LRRC3B: variants seen among roughly 807,000 people sequenced by gnomAD.
LRRC3B encodes the protein leucine-rich repeat-containing protein 3B.
Under a neutral mutation model 12.8 loss-of-function variants are expected in LRRC3B, and 2 were observed. The ratio of observed to expected loss-of-function variants is 0.16; its 90% confidence interval spans 0.06 to 0.49. LRRC3B has a LOEUF of 0.49. Among genes scored for constraint, LRRC3B ranks in the 20% least tolerant of loss-of-function variants. The pLI, the probability that LRRC3B is intolerant of heterozygous loss-of-function variation, is 0.96. For synonymous variants in LRRC3B, 132 were observed against 122.0 expected, an observed-to-expected ratio of 1.08 and a Z score of -0.54; for missense variants, 189 against 319.4, an observed-to-expected ratio of 0.59 and a Z score of 3.11.
intron 1 of LRRC3B, among the ~76,000 whole-genome samples, chr3:26,634,795 G>A (rs1048650768): frequency 2.0e-5 from 3 of 152,182 alleles, no homozygotes; most frequent in Non-Finnish European, 4.4e-5. Flanking sequence ...TGGTTGAGGG[G>A]CTGAGCTTGG....
At chr3:26,664,811 C>T (rs1262193071) in intron 1 of LRRC3B, among the ~76,000 whole-genome samples, 1 of 152,046 alleles carries the variant, frequency 6.6e-6, no homozygotes, top group Non-Finnish European at 1.5e-5. Context: ...GATGCTTTCC[C>T]TCAAAATGTA....
intron 1 of LRRC3B, among the ~76,000 whole-genome samples, chr3:26,651,908 G>C (rs1237509830): frequency 6.6e-6 from 1 of 152,126 alleles, no homozygotes; most frequent in African/African-American, 2.4e-5. Context: ...TATCTCAATG[G>C]ATTCTCAAGA....
At chr3:26,675,175 T>TA (rs1247292030) in intron 1 of LRRC3B, among the ~76,000 whole-genome samples, 1 of 152,220 alleles carries the variant, frequency 6.6e-6, no homozygotes, top group Non-Finnish European at 1.5e-5. Context: ...AGCAGGTAGA[T>TA]ACAGGTAGGA....
chr3:26,658,306 C>T (rs1337632948), intron 1 of LRRC3B, among the ~76,000 whole-genome samples: 1 of 152,150 alleles, frequency 6.6e-6, no homozygotes, highest in African/African-American at 2.4e-5. Flanking sequence ...GATCTGCCCG[C>T]CTCGGCCTCC....
At chr3:26,639,311 G>T (rs374532065) in intron 1 of LRRC3B, among the ~76,000 whole-genome samples, 1 of 151,592 alleles carries the variant, frequency 6.6e-6, no homozygotes, top group Non-Finnish European at 1.5e-5. Context: ...TTGAGATCTG[G>T]TGTTATATTT....
At chr3:26,638,461 AGCCATGGCCTCATCATGGACCT>A (rs1698950151) in intron 1 of LRRC3B, among the ~76,000 whole-genome samples, 1 of 152,198 alleles carries the variant, frequency 6.6e-6, no homozygotes, top group Non-Finnish European at 1.5e-5. Flanking sequence ...CTTGCATTCT[AGCCATGGCCTCATCATGGACCT>A]GTCAGACCCT....
intron 1 of LRRC3B, among the ~76,000 whole-genome samples, chr3:26,704,457 CAGTG>C (rs951332428): frequency 5.3e-5 from 8 of 152,056 alleles, no homozygotes; most frequent in African/African-American, 1.9e-4. Flanking sequence ...ATTTTACTGA[CAGTG>C]AGATCAAGAA....
At chr3:26,648,678 C>T (rs1699203352) in intron 1 of LRRC3B, among the ~76,000 whole-genome samples, 1 of 152,168 alleles carries the variant, frequency 6.6e-6, no homozygotes, top group Admixed American at 6.6e-5. Context: ...TAAGAGGACC[C>T]CTCACACAAA....
At chr3:26,677,299 C>G (rs1414356128) in intron 1 of LRRC3B, among the ~76,000 whole-genome samples, 1 of 152,126 alleles carries the variant, frequency 6.6e-6, no homozygotes, top group Non-Finnish European at 1.5e-5. Flanking sequence ...AAAATAAACA[C>G]CAGTATTCTG....
intron 1 of LRRC3B, 46 bp from the exon 2 acceptor site, chr3:26,709,467 C>T (rs1162544400): frequency 3.4e-6 from 2 of 593,852 alleles, no homozygotes; most frequent in Non-Finnish European, 6.0e-6. Flanking sequence ...TACAATGTAC[C>T]TCCCTTTGCA....
chr3:26,687,364 C>T (rs1354245621), intron 1 of LRRC3B, among the ~76,000 whole-genome samples: 1 of 152,184 alleles, frequency 6.6e-6, no homozygotes, highest in East Asian at 1.9e-4. Context: ...CTATGACAAT[C>T]AGTGTATCCT....
chr3:26,698,580 C>T (rs1454896268), intron 1 of LRRC3B, among the ~76,000 whole-genome samples: 1 of 152,066 alleles, frequency 6.6e-6, no homozygotes, highest in Non-Finnish European at 1.5e-5. Context: ...GATGTAGAAT[C>T]TCCCCTACCC....
intron 1 of LRRC3B, chr3:26,694,557 C>A (rs1369851775): frequency 6.6e-6 from 1 of 152,176 alleles, no homozygotes; most frequent in Non-Finnish European, 1.5e-5. Context: ...CAGTCATTAT[C>A]AGAACCACAT....
chr3:26,701,516 A>G (rs1446377212), intron 1 of LRRC3B, among the ~76,000 whole-genome samples: 1 of 152,162 alleles, frequency 6.6e-6, no homozygotes, highest in Non-Finnish European at 1.5e-5. Context: ...TCTGTGGGAC[A>G]GTGAAATAAG....
chr3:26,636,329 T>A (rs566486654), intron 1 of LRRC3B, among the ~76,000 whole-genome samples: 2 of 152,354 alleles, frequency 1.3e-5, no homozygotes, highest in South Asian at 4.1e-4. Flanking sequence ...GGATGTGATT[T>A]TTTTTTACAA....
chr3:26,622,900 G>A (rs1266217745), exon 1 of LRRC3B: 1 of 152,070 alleles, frequency 6.6e-6, no homozygotes, highest in African/African-American at 2.4e-5. Context: ...CCTGGAGCAG[G>A]GTCTGCAGCG....
At chr3:26,682,881 A>G (rs28589713) in intron 1 of LRRC3B, among the ~76,000 whole-genome samples, 2,772 of 152,210 alleles carry the variant, frequency 0.018, 96 homozygotes, top group East Asian at 0.15. Context: ...TCACTTTTCC[A>G]TTTTGTTTAC....
chr3:26,630,532 G>A (rs897251971), intron 1 of LRRC3B, among the ~76,000 whole-genome samples: 8 of 152,068 alleles, frequency 5.3e-5, no homozygotes, highest in South Asian at 2.1e-4. Flanking sequence ...CTATTGTTTC[G>A]AAGTAGGAAT....
At position 26,684,710 on chromosome 3, in the gene LRRC3B, A is replaced by C. The variant is rs534200667; in HGVS notation, c.-160-24803A>C. 1.6e-3 allele frequency among the ~76,000 whole-genome samples: 251 copies of C among 152,270 alleles called. 1 individual carries two copies. The highest frequency in any genetic ancestry group is 0.013 in the South Asian group (64 of 4,826). On this transcript the variant is annotated intron_variant, in intron 1 of 1. Transcript: ENST00000396641. ...AGGGCAAAGCCCTCATAGCCTAATC[A>C]CCTCTCAAAGGTATCACCTCTTAAT...
Sources: gnomAD v4.1 joint callset for allele counts (sites outside exome capture counted in the v4.1 genomes callset) on GRCh38, gnomAD v4.1.1 for gene constraint, MANE v1.5 for transcripts, NCBI Gene and HGNC (gene_info 2026-07-23, HGNC 2026-07-21) for gene names.